KLHL29: variants seen among roughly 807,000 people sequenced by gnomAD.
KLHL29 encodes the protein kelch like family member 29.
A neutral mutation model predicts 80.4 loss-of-function variants in KLHL29; 21 were observed. The ratio of observed to expected loss-of-function variants is 0.26; its 90% confidence interval spans 0.19 to 0.38. The LOEUF (loss-of-function observed/expected upper bound fraction) is 0.38, where lower values mean the gene tolerates loss of function less well. KLHL29 is among the 10% of genes least tolerant of loss of function. The probability of loss-of-function intolerance (pLI) is 1.00; values close to 1 mark genes in which losing one functional copy is unlikely to be tolerated. For missense variants in KLHL29, 867 were observed against 1,223.9 expected, an observed-to-expected ratio of 0.71 and a Z score of 4.35; for synonymous variants, 511 against 526.8, an observed-to-expected ratio of 0.97 and a Z score of 0.41.
chr2:23,686,734 T>C (rs1671278147), intron 6 of KLHL29, among the ~76,000 whole-genome samples: 1 of 152,026 alleles, frequency 6.6e-6, no homozygotes, highest in Non-Finnish European at 1.5e-5. Flanking sequence ...TTGGGCCACC[T>C]GTAGGCAGCC....
chr2:23,420,955 A>G (rs1197385692), intron 1 of KLHL29, among the ~76,000 whole-genome samples: 2 of 152,012 alleles, frequency 1.3e-5, no homozygotes, highest in East Asian at 1.9e-4. Flanking sequence ...TTATCAGTCA[A>G]CAGAGACCTT....
At chr2:23,572,444 T>C (rs1382677040) in intron 3 of KLHL29, among the ~76,000 whole-genome samples, 2 of 152,390 alleles carry the variant, frequency 1.3e-5, no homozygotes, top group East Asian at 3.9e-4. Context: ...ATGAATATTA[T>C]GTGAAACTTA....
At chr2:23,603,339 C>T (rs1277490549) in intron 3 of KLHL29, among the ~76,000 whole-genome samples, 1 of 152,160 alleles carries the variant, frequency 6.6e-6, no homozygotes, top group Non-Finnish European at 1.5e-5. Context: ...AAGGTGTTTC[C>T]TGGGCTGGAA....
rs1211470685 is a variant in KLHL29, at chr2:23,609,034, T to G, written c.286-30105T>G. Among the ~76,000 whole-genome samples, 3 of 152,218 alleles carry G rather than the reference T, an allele frequency of 2.0e-5. No homozygotes were observed. In the East Asian group the frequency reaches 5.8e-4, roughly 29 times the overall value. On this transcript the variant is annotated intron_variant, in intron 3 of 13. Transcript: ENST00000486442. ...TTCGAGAAGATTCTCCACTGAGAGT[T>G]GAAGTCAGTCACTGGGTTCTATTTT... is the stretch of plus-strand genomic sequence containing the variant.
At chr2:23,691,420 T>C (rs746140605) in intron 6 of KLHL29, 18 of 557,426 alleles carry the variant, frequency 3.2e-5, no homozygotes, top group Non-Finnish European at 4.8e-5. Flanking sequence ...TCATGCTTTT[T>C]GATTTGCATC....
chr2:23,386,785 T>C (rs1026587497), intron 1 of KLHL29, among the ~76,000 whole-genome samples: 1 of 151,918 alleles, frequency 6.6e-6, no homozygotes, highest in Non-Finnish European at 1.5e-5. Flanking sequence ...AGCGCGGGGC[T>C]GGGAGCCGGG....
intron 3 of KLHL29, among the ~76,000 whole-genome samples, chr2:23,627,910 CTT>C (rs10624746): frequency 2.5e-5 from 3 of 120,632 alleles, no homozygotes; most frequent in Non-Finnish European, 1.6e-5. Flanking sequence ...GGCCAGGAGT[CTT>C]TTTTTTTTTT....
intron 2 of KLHL29, among the ~76,000 whole-genome samples, chr2:23,552,959 C>T (rs947569251): frequency 3.9e-5 from 6 of 152,002 alleles, no homozygotes; most frequent in African/African-American, 1.2e-4. Context: ...GTGGTTTCAC[C>T]ATGTGGGCCA....
chr2:23,564,127 GTGTC>G (rs1315021513), intron 3 of KLHL29, among the ~76,000 whole-genome samples: 6 of 152,270 alleles, frequency 3.9e-5, no homozygotes, highest in Admixed American at 1.3e-4. Context: ...CGTCTTGAAA[GTGTC>G]TGTCCTTTTA....
chr2:23,569,206 C>T (rs1667659367), intron 3 of KLHL29, among the ~76,000 whole-genome samples: 1 of 152,228 alleles, frequency 6.6e-6, no homozygotes, highest in South Asian at 2.1e-4. Flanking sequence ...TGACCAGAGG[C>T]TTTCTCCCTG....
intron 5 of KLHL29, among the ~76,000 whole-genome samples, chr2:23,661,042 A>G (rs1670390898): frequency 6.7e-6 from 1 of 148,356 alleles, no homozygotes; most frequent in African/African-American, 2.5e-5. Flanking sequence ...AGAAAAAAAA[A>G]GAGAGAGAGA....
At chr2:23,698,548 T>TG (rs1672137832) in intron 11 of KLHL29, among the ~76,000 whole-genome samples, 1 of 141,906 alleles carries the variant, frequency 7.0e-6, no homozygotes, top group Non-Finnish European at 1.5e-5. Flanking sequence ...TGATAATGAA[T>TG]GAGATATATG....
chr2:23,552,490 G>T (rs1667154615), intron 2 of KLHL29, among the ~76,000 whole-genome samples: 2 of 152,200 alleles, frequency 1.3e-5, no homozygotes, highest in Non-Finnish European at 2.9e-5. Context: ...TGTTTAGGGT[G>T]AGGGTCCTTC....
rs1456035950 is a variant in KLHL29 at position 23,392,864 on chromosome 2, A to T, written c.-154+7084A>T. Among the ~76,000 whole-genome samples the T allele has an allele frequency of 2.0e-5, 3 of 152,348 alleles. No individual in the cohort carries two copies. The East Asian group carries it at 5.8e-4, about 29-fold the overall frequency. On this transcript the variant is annotated intron_variant, in intron 1 of 13. Coordinates refer to ENST00000486442, the MANE Select transcript of KLHL29 (RefSeq NM_052920.2). ...ACTAATTAACATTTTATGTAAAATC[A>T]ATCTAGTAGAAGGAATGTGAGCTAA...
intron 3 of KLHL29, among the ~76,000 whole-genome samples, chr2:23,632,639 A>C (rs551786341): frequency 6.6e-6 from 1 of 152,338 alleles, no homozygotes; most frequent in South Asian, 2.1e-4. Context: ...CAACAAATGC[A>C]CTTCTGCTAG....
intron 3 of KLHL29, among the ~76,000 whole-genome samples, chr2:23,626,819 CCCTT>C (rs1553347214): frequency 6.6e-6 from 1 of 152,208 alleles, no homozygotes; most frequent in Non-Finnish European, 1.5e-5. Context: ...CAGAAGCCCT[CCCTT>C]GGACGTGAAG....
rs1668395853 is a variant in KLHL29 at position 23,596,450 on chromosome 2, C to A, written c.285+33969C>A. 6.6e-6 allele frequency among the ~76,000 whole-genome samples: 1 copy of A among 152,128 alleles called. No individual in the cohort carries two copies. Among genetic ancestry groups the A allele is most frequent in the Non-Finnish European group, 1.5e-5 (1 of 68,024 alleles). ...GGAACCCGTTTCATAAGCGCACTCA[C>A]GTTGGAGCAGAACAGAGTCACTAGG... On this transcript the variant is annotated intron_variant, in intron 3 of 13. Coordinates refer to ENST00000486442, the MANE Select transcript of KLHL29 (RefSeq NM_052920.2). This position sits in a 1 kb window ranked among gnomAD's most constrained non-coding sequence, Gnocchi z 4.4.
chr2:23,629,072 C>T (rs1669402107), intron 3 of KLHL29, among the ~76,000 whole-genome samples: 1 of 152,224 alleles, frequency 6.6e-6, no homozygotes, highest in Non-Finnish European at 1.5e-5. Flanking sequence ...CAGAAACAGG[C>T]AGGGCGGCGG....
chr2:23,499,062 G>C (rs1665355749), intron 2 of KLHL29, among the ~76,000 whole-genome samples: 1 of 152,198 alleles, frequency 6.6e-6, no homozygotes, highest in Non-Finnish European at 1.5e-5. Context: ...ATCTTACCAG[G>C]TTTTCCCTAA....
Sources: allele counts gnomAD v4.1 joint callset (sites outside exome capture counted in the v4.1 genomes callset), GRCh38; gene constraint gnomAD v4.1.1; non-coding constraint Gnocchi (gnomAD v3.1); transcripts MANE v1.5; gene names NCBI Gene and HGNC (gene_info 2026-07-23, HGNC 2026-07-21).